The following TACC2 variants were observed in gnomAD, a reference collection of about 807,000 sequenced individuals.
TACC2 encodes the protein transforming acidic coiled-coil containing protein 2.
Under a neutral mutation model 227.3 loss-of-function variants are expected in TACC2, and 137 were observed. That is an observed-to-expected ratio of 0.60 (90% CI 0.52 to 0.69). The LOEUF is 0.69. Ranked by LOEUF, TACC2 falls within the 30% of genes least tolerant of loss-of-function variation. The pLI, the probability that TACC2 is intolerant of heterozygous loss-of-function variation, is 0.00. For missense variants in TACC2, 3,470 were observed against 3,694.4 expected, an observed-to-expected ratio of 0.94 and a Z score of 1.57; for synonymous variants, 1,523 against 1,487.5, an observed-to-expected ratio of 1.02 and a Z score of -0.55.
chr10:122,253,960 T>C (rs953167562), intron 22 of TACC2, 31 bp from the exon 23 acceptor site: 1 of 1,604,928 alleles, frequency 6.2e-7, no homozygotes, highest in South Asian at 1.1e-5. Context: ...ATTTCAAACA[T>C]CAGCAACTTC....
chr10:122,028,057 CTTTTTTTCTTT>C (rs1318020545), intron 2 of TACC2, among the ~76,000 whole-genome samples: 1 of 126,918 alleles, frequency 7.9e-6, no homozygotes, highest in Non-Finnish European at 1.7e-5. Context: ...GTTTTCTTTT[CTTTTTTTCTTT>C]TTTCTTTCTT....
chr10:122,062,971 C>G lies in TACC2; in HGVS notation c.146+12421C>G, dbSNP rs561052013. ...ATCAGGGCTCAGAGAGGTTAAGGAA[C>G]TTGTTCTAGGTCACACAGACAGAAT... On this transcript the variant is annotated intron_variant, in intron 3 of 22. Coordinates refer to ENST00000369005, the MANE Select transcript of TACC2 (RefSeq NM_206862.4). Among the ~76,000 whole-genome samples, 5 of 152,234 alleles carry G rather than the reference C, an allele frequency of 3.3e-5. No homozygotes were observed. In the South Asian group the frequency reaches 1.0e-3, roughly 32 times the overall value.
chr10:121,989,656 T>C lies in TACC2; in HGVS notation c.-46+168T>C, dbSNP rs538366868. Among the ~76,000 whole-genome samples the C allele has an allele frequency of 6.8e-4, 104 of 152,334 alleles. 3 individuals are homozygous for C. The South Asian group carries it at 0.02, about 30-fold the overall frequency. On this transcript the variant is annotated intron_variant, in intron 1 of 22. Transcript: ENST00000369005. Reference sequence around the variant, plus strand: ...AGCCAACTCACAGAACTGTATGAGGTATTTTCATCTACTGTGCTAGGCACC... The same window carrying C: ...AGCCAACTCACAGAACTGTATGAGGCATTTTCATCTACTGTGCTAGGCACC...
chr10:122,238,004 A>C lies in TACC2; in HGVS notation c.8315A>C (p.Tyr2772Ser). ...EREVSEWKDK[Y>S]EESRREVMEM... ...GAGGTCTCAGAATGGAAAGATAAAT[A>C]TGAAGAAAGCAGGCGGGAAGTGATG... The change falls in exon 18 of 23, where the codon TAT becomes TCT. Residue 2772 changes from tyrosine to serine, a missense_variant. Physicochemically the swap from Tyr to Ser is moderately radical, Grantham distance 144. This residue lies in a region of TACC2 where 65 missense variants were observed against 119.3 expected (regional missense o/e 0.54). Coordinates refer to ENST00000369005, the MANE Select transcript of TACC2 (RefSeq NM_206862.4). 6.2e-7 allele frequency: 1 copy of C among 1,614,154 alleles called. No individual in the cohort carries two copies. The highest frequency in any genetic ancestry group is 8.5e-7 in the Non-Finnish European group (1 of 1,180,016).
In TACC2 at chr10:121,993,612, GTTTGTTT is replaced by G. The variant is rs1016415883; in HGVS notation, c.-46+4139_-46+4145del. ...TATCCTCCTTTCGGGGCTTTTGTTT[GTTTGTTT>G]TTTGTTTTTTGTTTGTTTGTTTTGG... On this transcript the variant is annotated intron_variant, in intron 1 of 22. Coordinates refer to ENST00000369005, the MANE Select transcript of TACC2 (RefSeq NM_206862.4). 3.6e-4 allele frequency among the ~76,000 whole-genome samples: 54 copies of G among 152,006 alleles called. 1 individual carries two copies. The highest frequency in any genetic ancestry group is 5.2e-4 in the Non-Finnish European group (35 of 67,954).
chr10:122,135,683 A>AT (rs1269317695), intron 6 of TACC2, among the ~76,000 whole-genome samples: 1 of 152,130 alleles, frequency 6.6e-6, no homozygotes, highest in Non-Finnish European at 1.5e-5. Flanking sequence ...ATATTTGTGA[A>AT]TTTGCCTTCT....
At chr10:122,032,672 A>G (rs769250625) in intron 2 of TACC2, among the ~76,000 whole-genome samples, 1 of 151,842 alleles carries the variant, frequency 6.6e-6, no homozygotes, top group Non-Finnish European at 1.5e-5. Context: ...TGGGAGTAAA[A>G]ACCATGGCCA....
intron 5 of TACC2, among the ~76,000 whole-genome samples, chr10:122,125,776 C>CTTTT (rs67882679): frequency 0.25 from 29,107 of 116,920 alleles, 5,025 homozygotes; most frequent in Non-Finnish European, 0.33. Context: ...AATATCCTTC[C>CTTTT]TTTTTTTTTT....
chr10:122,108,522 T>G (rs950618890), intron 5 of TACC2, among the ~76,000 whole-genome samples: 7 of 143,794 alleles, frequency 4.9e-5, no homozygotes, highest in African/African-American at 5.1e-5. Flanking sequence ...CTTGGCTCAC[T>G]GCAACCTCTG....
chr10:122,207,633 A>G (rs1224465715), intron 8 of TACC2, among the ~76,000 whole-genome samples: 1 of 152,164 alleles, frequency 6.6e-6, no homozygotes, highest in Non-Finnish European at 1.5e-5. Flanking sequence ...AGGATAAGAA[A>G]CCCTGCAGCA....
intron 7 of TACC2, among the ~76,000 whole-genome samples, chr10:122,183,919 G>C (rs1428350838): frequency 1.3e-5 from 2 of 152,188 alleles, no homozygotes; most frequent in Non-Finnish European, 2.9e-5. Context: ...AGCATCTTGA[G>C]AGTGGGAGCT....
At chr10:122,090,840 C>T (rs1000657916) in intron 5 of TACC2, among the ~76,000 whole-genome samples, 10 of 152,122 alleles carry the variant, frequency 6.6e-5, no homozygotes, top group African/African-American at 2.4e-4. Context: ...CCTCGACCAC[C>T]CCAGGATCCT....
chr10:122,005,268 G>A (rs1954927697), intron 1 of TACC2, among the ~76,000 whole-genome samples: 1 of 151,872 alleles, frequency 6.6e-6, no homozygotes, highest in African/African-American at 2.4e-5. Context: ...ATTTTTAATA[G>A]AGATGGGGTG....
Position 122,012,942 on chromosome 10 carries a change from C to T in TACC2, c.-45-8995C>T, listed in dbSNP as rs1002803033. Among the ~76,000 whole-genome samples, 15 of 152,262 alleles carry T rather than the reference C, an allele frequency of 9.9e-5. No individual in the cohort carries two copies. In the East Asian group the frequency reaches 1.4e-3, roughly 14 times the overall value. ...CTGCTCATAGAAACAAGAAACAGAC[C>T]GGAAGGAGTGTGTCTGGCCTCTGGC... On this transcript the variant is annotated intron_variant, in intron 1 of 22. Transcript: ENST00000369005.
chr10:122,151,125 C>G (rs2091997614), intron 7 of TACC2, among the ~76,000 whole-genome samples: 1 of 152,152 alleles, frequency 6.6e-6, no homozygotes, highest in Non-Finnish European at 1.5e-5. Flanking sequence ...TCCCCCCACT[C>G]CAACTCCCAG....
chr10:122,045,408 C>T (rs1227820726), intron 2 of TACC2, among the ~76,000 whole-genome samples: 1 of 152,268 alleles, frequency 6.6e-6, no homozygotes, highest in South Asian at 2.1e-4. Flanking sequence ...GGCTCCACCA[C>T]TTCCAAGCTG....
At chr10:122,113,177 G>C (rs991629121) in intron 5 of TACC2, 1 of 152,376 alleles carries the variant, frequency 6.6e-6, no homozygotes, top group Non-Finnish European at 1.5e-5. Context: ...CTCTTTGGCA[G>C]TTGCGACTCC....
At chr10:122,188,126 C>T (rs2094276871) in intron 7 of TACC2, among the ~76,000 whole-genome samples, 1 of 152,052 alleles carries the variant, frequency 6.6e-6, no homozygotes, top group Non-Finnish European at 1.5e-5. Context: ...CCAAGAGGAG[C>T]CAAGTAGATA....
chr10:122,134,274 C>A (rs896687980), intron 6 of TACC2, among the ~76,000 whole-genome samples: 2 of 151,626 alleles, frequency 1.3e-5, no homozygotes, highest in African/African-American at 4.9e-5. Flanking sequence ...TGGGTTCAAG[C>A]GATTCTCCTG....
Sources: gnomAD v4.1 joint callset for allele counts (sites outside exome capture counted in the v4.1 genomes callset) on GRCh38, gnomAD v4.1.1 for gene constraint, gnomAD v4.1.1 regional missense constraint, MANE v1.5 for transcripts, NCBI Gene and HGNC (gene_info 2026-07-23, HGNC 2026-07-21) for gene names.